AOPEP: variants seen among roughly 807,000 people sequenced by gnomAD.
AOPEP encodes the protein aminopeptidase O.
In AOPEP, 77 loss-of-function variants were observed where a neutral mutation model predicts 98.1. The observed-to-expected ratio is 0.78, with a 90% CI of 0.65 to 0.95. The LOEUF is 0.95. Among genes scored for constraint, AOPEP ranks in the 40% least tolerant of loss-of-function variants. The pLI, the probability that AOPEP is intolerant of heterozygous loss-of-function variation, is 0.00. For missense variants in AOPEP, 1,024 were observed against 1,024.7 expected, an observed-to-expected ratio of 1.00 and a Z score of 0.01; for synonymous variants, 346 against 365.3, an observed-to-expected ratio of 0.95 and a Z score of 0.60.
intron 1 of AOPEP, among the ~76,000 whole-genome samples, chr9:94,749,629 C>A (rs1011070819): frequency 3.3e-5 from 5 of 152,138 alleles, no homozygotes; most frequent in African/African-American, 1.2e-4. Flanking sequence ...TCACTGTCTT[C>A]TATAATCATG....
At chr9:94,870,137 C>G (rs573242084) in intron 5 of AOPEP, among the ~76,000 whole-genome samples, 177 of 152,080 alleles carry the variant, frequency 1.2e-3, no homozygotes, top group Non-Finnish European at 1.8e-3. Context: ...TATAGGCACA[C>G]GCCACCATGC....
intron 7 of AOPEP, among the ~76,000 whole-genome samples, chr9:94,937,627 A>G (rs569702475): frequency 6.6e-6 from 1 of 152,280 alleles, no homozygotes; most frequent in Admixed American, 6.5e-5. Flanking sequence ...TGTTGTCTCT[A>G]TTTAGAATAT....
At chr9:94,863,706 A>G (rs1051458558) in intron 5 of AOPEP, among the ~76,000 whole-genome samples, 4 of 152,186 alleles carry the variant, frequency 2.6e-5, no homozygotes, top group African/African-American at 9.7e-5. Flanking sequence ...GTGAGCCACC[A>G]CGCCTGGCCA....
rs371366369 is a variant in AOPEP at position 94,760,153 on chromosome 9, G to A, written c.370G>A (p.Gly124Arg). The A allele has an allele frequency of 1.4e-5, 22 of 1,614,072 alleles. No individual in the cohort carries two copies. The highest frequency in any genetic ancestry group is 5.0e-5 in the Admixed American group (3 of 60,010). The change falls in exon 2 of 17, where the codon GGG becomes AGG. Residue 124 changes from glycine (G) to arginine (R), a missense_variant. By Grantham distance (125) the Gly-to-Arg change is moderately radical (BLOSUM62 -2). Transcript: ENST00000375315. The stretch of plus-strand genomic sequence containing the variant: ...CCATGACAACCAGGAACATGCTTCT[G>A]GGATTTCTAGCTCAAAGTACTGCTG... ...GNHDNQEHAS[G>R]ISSSKYCCDT... is the part of the protein sequence containing the mutation.
intron 13 of AOPEP, among the ~76,000 whole-genome samples, chr9:95,010,330 GCT>G (rs958097747): frequency 2.0e-5 from 3 of 152,054 alleles, no homozygotes; most frequent in African/African-American, 4.8e-5. Context: ...AAATTATTTG[GCT>G]CTTTCTTGGA....
chr9:95,059,450 T>C (rs1205392775), intron 13 of AOPEP, among the ~76,000 whole-genome samples: 1 of 151,092 alleles, frequency 6.6e-6, no homozygotes, highest in Non-Finnish European at 1.5e-5. Flanking sequence ...AATGGTGCGG[T>C]GGGTGTGGTG....
chr9:94,731,288 C>T (rs1256124843), intron 1 of AOPEP, among the ~76,000 whole-genome samples: 4 of 151,112 alleles, frequency 2.6e-5, no homozygotes, highest in Admixed American at 6.6e-5. Flanking sequence ...AGTGCAGTGG[C>T]GCGATCTCGG....
intron 10 of AOPEP, among the ~76,000 whole-genome samples, chr9:94,976,706 C>G (rs1234943253): frequency 2.0e-5 from 3 of 149,146 alleles, no homozygotes; most frequent in African/African-American, 5.0e-5. Context: ...CTCACTTTGT[C>G]CCCAGGCTGG....
intron 5 of AOPEP, among the ~76,000 whole-genome samples, chr9:94,868,443 G>T (rs746670605): frequency 1.9e-4 from 29 of 152,256 alleles, no homozygotes; most frequent in Non-Finnish European, 3.7e-4. Context: ...CCGAATTCCC[G>T]TGCATTGAGG....
chr9:95,144,779 G>A, the AOPEP span, among the ~76,000 whole-genome samples: 3 of 152,214 alleles, frequency 2.0e-5, no homozygotes, highest in African/African-American at 7.2e-5. Context: ...GCCAGTTGGT[G>A]TGATCAGTGG....
the AOPEP span, chr9:95,110,992 G>GT: frequency 2.1e-6 from 3 of 1,425,148 alleles, no homozygotes; most frequent in Admixed American, 2.9e-5. Flanking sequence ...AATAAAGCCA[G>GT]TAATGTGAGG....
rs184298439 is a variant in AOPEP at position 94,944,978 on chromosome 9, G to A, written c.1662-10199G>A. Among the ~76,000 whole-genome samples the A allele has an allele frequency of 3.8e-4, 58 of 152,220 alleles. 1 individual carries two copies. The highest frequency in any genetic ancestry group is 1.3e-3 in the African/African-American group (54 of 41,526). On this transcript the variant is annotated intron_variant, in intron 7 of 16. Coordinates refer to ENST00000375315, the MANE Select transcript of AOPEP (RefSeq NM_001193329.3). The stretch of plus-strand genomic sequence containing the variant: ...TCTACTGTCTCATAATACCCCTGTA[G>A]CCTGGTGGGGTTGATCAACAATCAT...
intron 3 of AOPEP, among the ~76,000 whole-genome samples, chr9:94,774,205 G>A (rs1463309655): frequency 6.6e-6 from 1 of 151,098 alleles, no homozygotes; most frequent in Non-Finnish European, 1.5e-5. Context: ...CCAGCTACTC[G>A]GGAGGCTGAG....
Position 94,972,768 on chromosome 9 carries a change from A to C in AOPEP, c.1916+4967A>C, listed in dbSNP as rs921212164. On this transcript the variant is annotated intron_variant, in intron 10 of 16. Coordinates refer to ENST00000375315, the MANE Select transcript of AOPEP (RefSeq NM_001193329.3). The surrounding 1 kb of genome is among the most constrained non-coding windows in gnomAD (Gnocchi z 4.2). ...AGCCTGGCCAACATGGTAAAATCCC[A>C]TCTCTACCAAAAATACAAAAAATTA... 2.6e-5 allele frequency among the ~76,000 whole-genome samples: 4 copies of C among 152,024 alleles called. No individual in the cohort carries two copies. The highest frequency in any genetic ancestry group is 5.9e-5 in the Non-Finnish European group (4 of 67,992).
At chr9:94,789,771 C>T (rs914384828) in intron 3 of AOPEP, among the ~76,000 whole-genome samples, 7 of 152,190 alleles carry the variant, frequency 4.6e-5, no homozygotes, top group Non-Finnish European at 4.4e-5. Flanking sequence ...CAGTGATTCT[C>T]TTTGAGGCTG....
At chr9:94,954,553 C>G (rs1035643301) in intron 7 of AOPEP, among the ~76,000 whole-genome samples, 2 of 152,048 alleles carry the variant, frequency 1.3e-5, no homozygotes, top group Admixed American at 6.6e-5. Flanking sequence ...CACATGTGGC[C>G]CATGGATGGG....
rs1848063823 is a variant in AOPEP, at chr9:94,800,850, C to T, written c.1212C>T (p.Ala404=). The change falls in exon 5 of 17, where the codon GCC becomes GCT. Residue 404 remains alanine, a synonymous_variant. Transcript: ENST00000375315. The part of the protein sequence containing the change: ...TQEIIPHRVF[A]PVCLTGACQE... ...AGATCATTCCTCATCGGGTCTTTGC[C>T]CCTGTGTGCCTCACGGGTGCCTGCC... is the stretch of plus-strand genomic sequence containing the variant. 1.2e-6 allele frequency: 2 copies of T among 1,614,064 alleles called. No homozygotes were observed. Among genetic ancestry groups the T allele is most frequent in the African/African-American group, 2.7e-5 (2 of 74,916 alleles).
chr9:95,095,418 TC>T, the AOPEP span, among the ~76,000 whole-genome samples: 1 of 152,220 alleles, frequency 6.6e-6, no homozygotes, highest in Non-Finnish European at 1.5e-5. Flanking sequence ...GTCGTGTGTG[TC>T]CCTGCCCGTG....
intron 1 of AOPEP, among the ~76,000 whole-genome samples, chr9:94,743,211 G>GGAAGAA (rs1442241812): frequency 1.4e-5 from 2 of 146,284 alleles, no homozygotes; most frequent in African/African-American, 2.6e-5. Context: ...AGGAAGAAGA[G>GGAAGAA]GAAGAAGAGG....
Sources: gnomAD v4.1 joint callset for allele counts (sites outside exome capture counted in the v4.1 genomes callset) on GRCh38, gnomAD v4.1.1 for gene constraint, Gnocchi (gnomAD v3.1) non-coding constraint, MANE v1.5 for transcripts, NCBI Gene and HGNC (gene_info 2026-07-23, HGNC 2026-07-21) for gene names.